Variants in MCTP2 observed in about 807,000 individuals in gnomAD.
The protein encoded by MCTP2 is multiple C2 and transmembrane domain-containing protein 2.
MCTP2 carries 132 observed loss-of-function variants against 111.6 expected under a neutral mutation model. That is an observed-to-expected ratio of 1.18 (90% CI 1.03 to 1.37). The LOEUF (loss-of-function observed/expected upper bound fraction) is 1.37. Ranked by LOEUF, MCTP2 falls within the 40% of genes most tolerant of loss-of-function variation. The probability of loss-of-function intolerance (pLI) is 0.00; values close to 1 mark genes in which losing one functional copy is unlikely to be tolerated. For missense variants in MCTP2, 1,183 were observed against 1,067.9 expected (o/e 1.11, Z -1.50); for synonymous variants, 395 against 387.7 (o/e 1.02, Z -0.22).
At chr15:94,437,945 TA>T (rs200368044) in intron 17 of MCTP2, among the ~76,000 whole-genome samples, 9,788 of 147,624 alleles carry the variant, frequency 0.066, 427 homozygotes, top group East Asian at 0.16. Context: ...TTGCCTGAGT[TA>T]AAAAAAAAAA....
chr15:94,462,133 T>C (rs1363970833), intron 20 of MCTP2, among the ~76,000 whole-genome samples: 1 of 152,172 alleles, frequency 6.6e-6, no homozygotes, highest in Non-Finnish European at 1.5e-5. Context: ...AATAATCCCA[T>C]TGACACAAGG....
At position 94,340,382 on chromosome 15, in the gene MCTP2, A is replaced by G. The variant is rs2077572068; in HGVS notation, c.857+107A>G. The G allele has an allele frequency of 5.2e-5, 44 of 841,108 alleles. No individual in the cohort carries two copies. In the South Asian group the frequency reaches 6.9e-4, roughly 13 times the overall value. The allele number at this position is 841,108 out of a possible 1,614,324, so 52.1% of individuals were successfully genotyped here. A position where few individuals can be genotyped will look rare whatever the true frequency, so the allele number is the denominator to read the frequency against. On this transcript the variant is annotated intron_variant, in intron 6 of 22. Transcript: ENST00000357742. ...CAAATGACAAAAATAACATATCTGA[A>G]CAAATGAAAGAGAGCTTTAAAGTGT... is the stretch of plus-strand genomic sequence containing the variant.
intron 1 of MCTP2, among the ~76,000 whole-genome samples, chr15:94,246,535 C>T (rs953936626): frequency 6.6e-6 from 1 of 152,092 alleles, no homozygotes; most frequent in African/African-American, 2.4e-5. Flanking sequence ...AACTTTAATG[C>T]CATATAATGT....
intron 14 of MCTP2, among the ~76,000 whole-genome samples, chr15:94,398,451 A>G (rs2081388286): frequency 6.6e-6 from 1 of 152,188 alleles, no homozygotes; most frequent in Admixed American, 6.5e-5. Context: ...AAAAGAACTA[A>G]CATTGTTACC....
chr15:94,257,319 C>T (rs1052721802), intron 1 of MCTP2, among the ~76,000 whole-genome samples: 10 of 151,996 alleles, frequency 6.6e-5, no homozygotes, highest in African/African-American at 2.4e-4. Flanking sequence ...TCTGATTTGA[C>T]CACTGAGTTG....
intron 17 of MCTP2, among the ~76,000 whole-genome samples, chr15:94,425,525 C>T (rs2082840438): frequency 6.6e-6 from 1 of 151,324 alleles, no homozygotes; most frequent in Non-Finnish European, 1.5e-5. Context: ...AAAAAAACAG[C>T]AGAATGATAC....
chr15:94,280,270 G>C (rs544998054), intron 1 of MCTP2, among the ~76,000 whole-genome samples: 3 of 151,408 alleles, frequency 2.0e-5, no homozygotes, highest in Non-Finnish European at 4.4e-5. Context: ...TTTTTTATTA[G>C]TGATTCAATT....
intron 20 of MCTP2, among the ~76,000 whole-genome samples, chr15:94,460,553 G>A (rs2152528787): frequency 6.6e-6 from 1 of 152,262 alleles, no homozygotes; most frequent in East Asian, 1.9e-4. Context: ...CAGGAAGGAA[G>A]ATCATGTTGT....
chr15:94,326,467 T>C (rs952521171), intron 4 of MCTP2, among the ~76,000 whole-genome samples: 4 of 152,214 alleles, frequency 2.6e-5, no homozygotes, highest in Admixed American at 6.5e-5. Flanking sequence ...CATTAAAAAA[T>C]TGCCAATTTA....
chr15:94,473,640 T>C (rs3784639), intron 21 of MCTP2, among the ~76,000 whole-genome samples: 5,868 of 152,304 alleles, frequency 0.039, 221 homozygotes, highest in South Asian at 0.12. Flanking sequence ...CTTCTGTTTT[T>C]TCAGGGTAGA....
chr15:94,353,704 T>C (rs2078443375), intron 8 of MCTP2, among the ~76,000 whole-genome samples: 1 of 152,202 alleles, frequency 6.6e-6, no homozygotes, highest in Admixed American at 6.5e-5. Context: ...GGTCATGCTT[T>C]AGCTTGTTGG....
At chr15:94,426,141 T>TGAGAGA (rs10603478) in intron 17 of MCTP2, among the ~76,000 whole-genome samples, 11 of 140,934 alleles carry the variant, frequency 7.8e-5, no homozygotes, top group East Asian at 2.2e-4. Flanking sequence ...AGAGAGAGAT[T>TGAGAGA]GAGAGAGAGA....
At chr15:94,325,033 C>A (rs145810639) in intron 4 of MCTP2, among the ~76,000 whole-genome samples, 1 of 152,150 alleles carries the variant, frequency 6.6e-6, no homozygotes. Flanking sequence ...CTCTGGGCAC[C>A]TCTGTTAGGC....
chr15:94,409,511 G>A (rs72751329), intron 17 of MCTP2, among the ~76,000 whole-genome samples: 14,115 of 151,856 alleles, frequency 0.093, 801 homozygotes, highest in Non-Finnish European at 0.11. Context: ...TGACTAATAC[G>A]GATTCCTTGT....
chr15:94,380,217 C>T (rs568063074), intron 12 of MCTP2, among the ~76,000 whole-genome samples: 126 of 152,160 alleles, frequency 8.3e-4, no homozygotes, highest in African/African-American at 2.8e-3. Context: ...AGTGAATATG[C>T]ATGCTGACTG....
chr15:94,424,208 A>G (rs542794522), intron 17 of MCTP2, among the ~76,000 whole-genome samples: 1 of 152,234 alleles, frequency 6.6e-6, no homozygotes, highest in Admixed American at 6.5e-5. Flanking sequence ...TATGTAGTTC[A>G]TTTACATCCT....
chr15:94,447,110 T>C (rs555641090), intron 19 of MCTP2, among the ~76,000 whole-genome samples: 1 of 152,320 alleles, frequency 6.6e-6, no homozygotes, highest in African/African-American at 2.4e-5. Flanking sequence ...CTAAATTGAT[T>C]AGTCAGTCCC....
chr15:94,288,288 AG>A (rs1284220560), intron 1 of MCTP2, among the ~76,000 whole-genome samples: 2 of 152,218 alleles, frequency 1.3e-5, no homozygotes, highest in East Asian at 3.8e-4. Flanking sequence ...CTGAGAAGGA[AG>A]GGCTTGGGAA....
chr15:94,344,878 AT>A (rs1399705520), intron 7 of MCTP2, among the ~76,000 whole-genome samples: 42 of 152,310 alleles, frequency 2.8e-4, no homozygotes, highest in Non-Finnish European at 4.9e-4. Flanking sequence ...ATTGAACAGT[AT>A]TTTTATGTCA....
Sources: allele counts gnomAD v4.1 joint callset (sites outside exome capture counted in the v4.1 genomes callset), GRCh38; gene constraint gnomAD v4.1.1; transcripts MANE v1.5; gene names NCBI Gene and HGNC (gene_info 2026-07-23, HGNC 2026-07-21).